The following NR3C1 variants were observed in gnomAD, a reference collection of about 807,000 sequenced individuals.
NR3C1 encodes the protein nuclear receptor subfamily 3 group C member 1.
In NR3C1, 14 loss-of-function variants were observed where a neutral mutation model predicts 74.0. The observed-to-expected ratio is 0.19, with a 90% CI of 0.12 to 0.30. The LOEUF (loss-of-function observed/expected upper bound fraction) is 0.30, where lower values mean the gene tolerates loss of function less well. Among genes scored for constraint, NR3C1 ranks in the 10% least tolerant of loss-of-function variants. NR3C1 has a pLI of 1.00. For missense variants in NR3C1, 695 were observed against 909.8 expected, an observed-to-expected ratio of 0.76 and a Z score of 3.04; for synonymous variants, 308 against 332.5, an observed-to-expected ratio of 0.93 and a Z score of 0.80.
intron 1 of NR3C1, among the ~76,000 whole-genome samples, chr5:143,420,160 T>G (rs998546540): frequency 6.6e-6 from 1 of 152,218 alleles, no homozygotes; most frequent in Admixed American, 6.5e-5. Context: ...TGCCCAGATT[T>G]CATATTGTTC....
In NR3C1 at chr5:143,279,270, C is replaced by A; in HGVS notation, c.*2619G>T. The A allele has an allele frequency of 7.2e-7, 1 of 1,397,652 alleles. No homozygotes were observed. The highest frequency in any genetic ancestry group is 9.7e-7 in the Non-Finnish European group (1 of 1,032,328). 86.6% of individuals were successfully genotyped at this position (1,397,652 alleles called of 1,614,324 possible). ...AAAGCCTCCTATAGTTGTCGATGAG[C>A]ATCAGTTGACTTATTATTGACAACG... On this transcript the variant is annotated 3_prime_UTR_variant, in exon 9 of 9. Transcript: ENST00000394464.
chr5:143,316,522 A>G (rs1355439430), intron 2 of NR3C1, among the ~76,000 whole-genome samples: 1 of 151,896 alleles, frequency 6.6e-6, no homozygotes, highest in Non-Finnish European at 1.5e-5. Flanking sequence ...TGACATCATC[A>G]CCCCTGGATG....
chr5:143,415,024 G>T lies in NR3C1; in HGVS notation c.-13-14172C>A, dbSNP rs192906320. Among the ~76,000 whole-genome samples the T allele has an allele frequency of 1.1e-4, 16 of 152,076 alleles. No homozygotes were observed. The East Asian group carries it at 2.9e-3, about 28-fold the overall frequency. ...GAAAAATCGTTATCTTTGTGTAGAC[G>T]GCATTAGAAGGATGAAAAATAACTT... On this transcript the variant is annotated intron_variant, in intron 1 of 8. Coordinates refer to the NR3C1 transcript ENST00000343796.
At chr5:143,390,567 T>TA (rs1239150988) in intron 2 of NR3C1, among the ~76,000 whole-genome samples, 1 of 152,210 alleles carries the variant, frequency 6.6e-6, no homozygotes, top group Non-Finnish European at 1.5e-5. Context: ...TAGTCTCTAT[T>TA]ACTTCATTAC....
At chr5:143,411,263 T>C (rs1841282611) in intron 1 of NR3C1, among the ~76,000 whole-genome samples, 2 of 152,214 alleles carry the variant, frequency 1.3e-5, no homozygotes, top group South Asian at 4.1e-4. Context: ...GTTGATTGTC[T>C]AGACTGACAG....
intron 2 of NR3C1, among the ~76,000 whole-genome samples, chr5:143,340,837 C>CTT (rs1828073361): frequency 6.6e-6 from 1 of 152,018 alleles, no homozygotes; most frequent in African/African-American, 2.4e-5. Flanking sequence ...TATTTTTAAA[C>CTT]TTTTAGGCTT....
chr5:143,294,300 G>A (rs947725866), intron 7 of NR3C1: 5 of 951,362 alleles, frequency 5.3e-6, no homozygotes, highest in Non-Finnish European at 6.3e-6. Context: ...ATATGAAAGA[G>A]GTATTCAGCT....
At chr5:143,359,395 C>T (rs186509990) in intron 2 of NR3C1, among the ~76,000 whole-genome samples, 23 of 152,156 alleles carry the variant, frequency 1.5e-4, no homozygotes, top group Non-Finnish European at 2.9e-4. Context: ...CAATGAGTCT[C>T]TAGATTTTTG....
At chr5:143,308,276 A>G (rs1297584861) in intron 4 of NR3C1, among the ~76,000 whole-genome samples, 9 of 152,100 alleles carry the variant, frequency 5.9e-5, no homozygotes. Context: ...GCCTGGGAAC[A>G]TAGCAAGACC....
chr5:143,335,925 C>T (rs1827037487), intron 2 of NR3C1, among the ~76,000 whole-genome samples: 1 of 152,196 alleles, frequency 6.6e-6, no homozygotes, highest in Admixed American at 6.5e-5. Flanking sequence ...AACTGCCTCT[C>T]CTTACCTGCT....
intron 2 of NR3C1, among the ~76,000 whole-genome samples, chr5:143,362,746 C>T (rs1210752454): frequency 6.6e-6 from 1 of 152,176 alleles, no homozygotes. Flanking sequence ...TTTTGCCTAA[C>T]TTAGAACTGG....
intron 2 of NR3C1, among the ~76,000 whole-genome samples, chr5:143,348,481 T>C (rs1344201379): frequency 1.3e-5 from 2 of 152,208 alleles, no homozygotes; most frequent in African/African-American, 4.8e-5. Context: ...TCGACTGATA[T>C]GCATGTTCCC....
chr5:143,409,060 G>T (rs1841209073), intron 1 of NR3C1: 1 of 152,130 alleles, frequency 6.6e-6, no homozygotes, highest in Non-Finnish European at 1.5e-5. Flanking sequence ...AACATGTTTG[G>T]GAAGCAAAAG....
At chr5:143,296,657 A>G (rs190815034) in intron 6 of NR3C1, among the ~76,000 whole-genome samples, 3 of 152,290 alleles carry the variant, frequency 2.0e-5, no homozygotes, top group Admixed American at 2.0e-4. Context: ...GTTCTGACCT[A>G]AGGGCAACCA....
intron 7 of NR3C1, among the ~76,000 whole-genome samples, chr5:143,289,503 G>T (rs1215751937): frequency 6.6e-6 from 1 of 152,050 alleles, no homozygotes; most frequent in African/African-American, 2.4e-5. Flanking sequence ...TTTTAACCCT[G>T]GATTAAGCAA....
chr5:143,401,835 T>C (rs974363674), intron 1 of NR3C1, among the ~76,000 whole-genome samples: 4 of 152,250 alleles, frequency 2.6e-5, no homozygotes, highest in African/African-American at 9.6e-5. Flanking sequence ...CTGTATCCAG[T>C]AAAATGTTCA....
intron 2 of NR3C1, among the ~76,000 whole-genome samples, chr5:143,324,858 G>A (rs1824211838): frequency 6.6e-6 from 1 of 152,178 alleles, no homozygotes; most frequent in African/African-American, 2.4e-5. Context: ...CTCTAGGGCA[G>A]AGGCAAAATG....
chr5:143,424,528 C>A, intron 1 of NR3C1, among the ~76,000 whole-genome samples: 1 of 152,102 alleles, frequency 6.6e-6, no homozygotes, highest in African/African-American at 2.4e-5. Context: ...AAAATAAAAA[C>A]TTTTTAAAAG....
rs546987683 is a variant in NR3C1 at position 143,281,266 on chromosome 5, C to A, written c.*623G>T. On this transcript the variant is annotated 3_prime_UTR_variant, in exon 9 of 9. Coordinates refer to ENST00000394464, the MANE Select transcript of NR3C1 (RefSeq NM_000176.3). ...GTTTAGAGTTTATTTGGGAAAGCTA[C>A]GAACTAGCTGCCCATCTTAAACAGC... The A allele has an allele frequency of 6.6e-6, 1 of 152,402 alleles. No individual in the cohort carries two copies. The highest frequency in any genetic ancestry group is 2.4e-5 in the African/African-American group (1 of 41,280). The allele number at this position is 152,402 out of a possible 1,614,324, so 9.4% of individuals were successfully genotyped here.
Sources: gnomAD v4.1 joint callset for allele counts (sites outside exome capture counted in the v4.1 genomes callset) on GRCh38, gnomAD v4.1.1 for gene constraint, MANE v1.5 for transcripts, NCBI Gene and HGNC (gene_info 2026-07-23, HGNC 2026-07-21) for gene names.